ANAPC10: variants seen among roughly 807,000 people sequenced by gnomAD.
ANAPC10 encodes the protein anaphase promoting complex subunit 10, also known as anaphase-promoting complex subunit 10.
A neutral mutation model predicts 22.0 loss-of-function variants in ANAPC10; 12 were observed. That is an observed-to-expected ratio of 0.55 (90% CI 0.35 to 0.88). ANAPC10 has a LOEUF of 0.88. Ranked by LOEUF, ANAPC10 falls within the 40% of genes least tolerant of loss-of-function variation. ANAPC10 has a pLI of 0.01. For synonymous variants in ANAPC10, 65 were observed against 69.5 expected (o/e 0.94, Z 0.32); for missense variants, 188 against 220.9 (o/e 0.85, Z 0.94).
Position 145,042,917 on chromosome 4 carries a change from T to TA in ANAPC10, c.327+21654dup, listed in dbSNP as rs35715637. 1.3e-3 allele frequency among the ~76,000 whole-genome samples: 193 copies of TA among 143,666 alleles called. 1 individual carries two copies. In the East Asian group the frequency reaches 0.018, roughly 13 times the overall value. The allele number at this position is 143,666 out of a possible 152,430, so 94.3% of individuals were successfully genotyped here. A position where few individuals can be genotyped will look rare whatever the true frequency, so the allele number is the denominator to read the frequency against. On this transcript the variant is annotated intron_variant, in intron 4 of 4. Coordinates refer to ENST00000507656, the MANE Select transcript of ANAPC10 (RefSeq NM_001256706.2). The stretch of plus-strand genomic sequence containing the variant: ...AATAACAGGTAAAGAAAAAATTGTC[T>TA]AAAAAAAAAACAAAATAAAGTGTTT...
chr4:145,015,510 C>T (rs1251956839), intron 4 of ANAPC10, among the ~76,000 whole-genome samples: 3 of 152,006 alleles, frequency 2.0e-5, no homozygotes, highest in African/African-American at 7.3e-5. Flanking sequence ...GCTGAAAAAA[C>T]GTATTTGGGG....
intron 4 of ANAPC10, among the ~76,000 whole-genome samples, chr4:145,038,175 T>C (rs1427266865): frequency 6.6e-6 from 1 of 151,766 alleles, no homozygotes; most frequent in Non-Finnish European, 1.5e-5. Flanking sequence ...CTCTACAAAA[T>C]AAAAATAAAT....
At chr4:145,002,224 T>C (rs1319327359) in intron 4 of ANAPC10, among the ~76,000 whole-genome samples, 1 of 152,126 alleles carries the variant, frequency 6.6e-6, no homozygotes, top group African/African-American at 2.4e-5. Context: ...GATGACCTAG[T>C]TCTGGAGAAA....
At chr4:145,053,781 C>CT in intron 4 of ANAPC10, 1 of 642,100 alleles carries the variant, frequency 1.6e-6, no homozygotes, top group Non-Finnish European at 2.8e-6. Context: ...AAACATGAGG[C>CT]TGAAAAAAAA....
intron 4 of ANAPC10, among the ~76,000 whole-genome samples, chr4:144,997,256 C>A (rs138938972): frequency 2.4e-3 from 370 of 152,178 alleles, no homozygotes; most frequent in Non-Finnish European, 3.7e-3. Context: ...AGATACTCCT[C>A]GAGAAGAGCA....
intron 4 of ANAPC10, among the ~76,000 whole-genome samples, chr4:145,048,011 T>A (rs1740577361): frequency 6.6e-6 from 1 of 152,146 alleles, no homozygotes; most frequent in African/African-American, 2.4e-5. Context: ...TCCCCAAAGC[T>A]ATATTACATT....
chr4:145,085,808 T>C (rs1323533860), intron 2 of ANAPC10, among the ~76,000 whole-genome samples: 1 of 151,994 alleles, frequency 6.6e-6, no homozygotes, highest in Non-Finnish European at 1.5e-5. Context: ...TATGTGCCAA[T>C]CCCGTCTCAA....
intron 4 of ANAPC10, among the ~76,000 whole-genome samples, chr4:144,996,721 T>A (rs1438184677): frequency 6.6e-6 from 1 of 152,180 alleles, no homozygotes; most frequent in Non-Finnish European, 1.5e-5. Context: ...GGAACAAAGC[T>A]GGACGGAGAA....
intron 4 of ANAPC10, among the ~76,000 whole-genome samples, chr4:145,050,322 C>A (rs1186615493): frequency 6.6e-6 from 1 of 152,186 alleles, no homozygotes; most frequent in Non-Finnish European, 1.5e-5. Flanking sequence ...TTAAAATATT[C>A]AGGAACCCAT....
At chr4:145,094,178 A>G (rs775609459) in intron 2 of ANAPC10, among the ~76,000 whole-genome samples, 4 of 152,158 alleles carry the variant, frequency 2.6e-5, no homozygotes, top group Non-Finnish European at 5.9e-5. Context: ...AAAGGAATAA[A>G]CTACAGATAT....
chr4:145,022,694 T>C (rs1014020774), intron 4 of ANAPC10, among the ~76,000 whole-genome samples: 5 of 151,032 alleles, frequency 3.3e-5, no homozygotes, highest in East Asian at 3.9e-4. Context: ...CATTCATATA[T>C]AGAACTTTCT....
At chr4:145,016,640 CA>C (rs1200382214) in intron 4 of ANAPC10, among the ~76,000 whole-genome samples, 1 of 152,142 alleles carries the variant, frequency 6.6e-6, no homozygotes, top group Non-Finnish European at 1.5e-5. Flanking sequence ...CATATGGAAC[CA>C]AAAGGGAGTC....
intron 4 of ANAPC10, among the ~76,000 whole-genome samples, chr4:145,032,212 C>T (rs1302087065): frequency 6.6e-6 from 1 of 152,200 alleles, no homozygotes; most frequent in African/African-American, 2.4e-5. Flanking sequence ...GCACTACAGC[C>T]CCTTTCTAGG....
intron 2 of ANAPC10, among the ~76,000 whole-genome samples, chr4:145,090,018 G>A (rs1172582571): frequency 2.0e-5 from 3 of 151,934 alleles, no homozygotes; most frequent in African/African-American, 4.8e-5. Flanking sequence ...CTTCACATAC[G>A]CCATTTCCCT....
At chr4:145,097,674 T>C (rs1310373648) in intron 1 of ANAPC10, 3 of 479,960 alleles carry the variant, frequency 6.3e-6, no homozygotes, top group African/African-American at 2.0e-5. Flanking sequence ...AGTTATGAAC[T>C]AGTTGTCACT....
chr4:145,074,957 C>A (rs1040565385), intron 3 of ANAPC10, among the ~76,000 whole-genome samples: 3 of 152,102 alleles, frequency 2.0e-5, no homozygotes, highest in Non-Finnish European at 2.9e-5. Flanking sequence ...CTACCATGTC[C>A]CCCAAAGTTT....
intron 2 of ANAPC10, among the ~76,000 whole-genome samples, chr4:145,089,907 ACT>A (rs1301404972): frequency 2.0e-5 from 3 of 152,208 alleles, no homozygotes; most frequent in Non-Finnish European, 4.4e-5. Flanking sequence ...TGATTGTTTT[ACT>A]CTGTTACTTA....
intron 3 of ANAPC10, among the ~76,000 whole-genome samples, chr4:145,074,238 A>C (rs1356669208): frequency 6.6e-6 from 1 of 151,770 alleles, no homozygotes; most frequent in Non-Finnish European, 1.5e-5. Context: ...TCATTTTCTT[A>C]TTATATTTTT....
At chr4:145,078,754 T>C (rs753847513) in intron 3 of ANAPC10, among the ~76,000 whole-genome samples, 1 of 151,998 alleles carries the variant, frequency 6.6e-6, no homozygotes, top group Non-Finnish European at 1.5e-5. Flanking sequence ...TTCAACAAAG[T>C]TGGCAATAAC....
Sources: gnomAD v4.1 joint callset for allele counts (sites outside exome capture counted in the v4.1 genomes callset) on GRCh38, gnomAD v4.1.1 for gene constraint, MANE v1.5 for transcripts, NCBI Gene and HGNC (gene_info 2026-07-23, HGNC 2026-07-21) for gene names.